The following PDGFRA variants were observed in gnomAD, a reference collection of about 807,000 sequenced individuals.
PDGFRA encodes platelet-derived growth factor receptor alpha.
Under a neutral mutation model 121.5 loss-of-function variants are expected in PDGFRA, and 25 were observed. The ratio of observed to expected loss-of-function variants is 0.21; its 90% CI spans 0.15 to 0.29. The LOEUF is 0.29. PDGFRA is among the 10% of genes least tolerant of loss of function. PDGFRA has a pLI of 1.00. For synonymous variants in PDGFRA, 463 were observed against 494.8 expected, an observed-to-expected ratio of 0.94 and a Z score of 0.85; for missense variants, 1,008 against 1,345.1, an observed-to-expected ratio of 0.75 and a Z score of 3.92.
At chr4:54,241,168 C>A (rs1375029336) in intron 1 of PDGFRA, among the ~76,000 whole-genome samples, 5 of 151,672 alleles carry the variant, frequency 3.3e-5, no homozygotes, top group Non-Finnish European at 5.9e-5. Context: ...TCTTTTTGGC[C>A]AATTCAGATG....
intron 1 of PDGFRA, among the ~76,000 whole-genome samples, chr4:54,250,548 A>G (rs1192068808): frequency 6.6e-6 from 1 of 152,208 alleles, no homozygotes; most frequent in Non-Finnish European, 1.5e-5. Flanking sequence ...TTCTGATATG[A>G]CTTAGTGTAC....
intron 1 of PDGFRA, among the ~76,000 whole-genome samples, chr4:54,246,940 C>T (rs930717822): frequency 6.6e-5 from 10 of 151,906 alleles, no homozygotes; most frequent in African/African-American, 2.4e-4. Flanking sequence ...ACCACAAACA[C>T]CTCTATGCAA....
rs1284743453 is a variant in PDGFRA at position 54,290,543 on chromosome 4, G to A, written c.3111G>A (p.Arg1037=). The A allele has an allele frequency of 1.9e-6, 3 of 1,614,066 alleles. No individual in the cohort carries two copies. Among genetic ancestry groups the A allele is most frequent in the Non-Finnish European group, 2.5e-6 (3 of 1,180,030 alleles). The change falls in exon 22 of 23, where the codon AGG becomes AGA. Residue 1037 remains arginine (R), a synonymous_variant. Coordinates refer to ENST00000257290, the MANE Select transcript of PDGFRA (RefSeq NM_006206.6). ...PVPEEEDLGK[R]NRHSSQTSEE... ...CTGAGGAGGAGGACCTGGGCAAGAGGAACAGACACAGGTAGCTGTGGGGGC... is the reference window on the plus strand; with the variant it reads ...CTGAGGAGGAGGACCTGGGCAAGAGAAACAGACACAGGTAGCTGTGGGGGC...
intron 20 of PDGFRA, 29 bp from the exon 21 acceptor site, chr4:54,288,980 G>C: frequency 6.5e-7 from 1 of 1,538,994 alleles, no homozygotes; most frequent in Non-Finnish European, 9.0e-7. Context: ...ACTTCCCCCT[G>C]TGCCCACTCT....
At chr4:54,265,362 G>A in intron 5 of PDGFRA, 2 of 341,418 alleles carry the variant, frequency 5.9e-6, no homozygotes, top group East Asian at 6.6e-5. Flanking sequence ...AATTAGAAGA[G>A]CAAAAAAACC....
rs1464980046 is a variant in PDGFRA, at chr4:54,263,819, A to G, written c.520A>G (p.Ser174Gly). ...GGGGGTGGTACCTGCCTCCTACGAC[A>G]GCAGACAGGGCTTTAATGGGACCTT... ...SEGVVPASYD[S>G]RQGFNGTFTV... is the part of the protein sequence containing the mutation. The change falls in exon 4 of 23, where the codon AGC becomes GGC. Residue 174 changes from serine (S) to glycine (G), a missense_variant. Transcript: ENST00000257290. 1 of 1,614,080 alleles carries G rather than the reference A, an allele frequency of 6.2e-7. No individual in the cohort carries two copies.
chr4:54,277,287 GAC>G (rs1393353695), intron 12 of PDGFRA, 99 bp from the exon 13 acceptor site: 7 of 817,904 alleles, frequency 8.6e-6, no homozygotes, highest in Non-Finnish European at 1.5e-5. Flanking sequence ...AAACAGGAAA[GAC>G]ACTCGCCCAG....
At chr4:54,285,111 G>A (rs532434375) in intron 16 of PDGFRA, among the ~76,000 whole-genome samples, 47 of 151,800 alleles carry the variant, frequency 3.1e-4, no homozygotes, top group African/African-American at 1.1e-3. Context: ...GGCCAGACTG[G>A]TCTCAAACTT....
At chr4:54,269,644 C>CTTTTTTT (rs569943950) in intron 7 of PDGFRA, among the ~76,000 whole-genome samples, 2 of 126,438 alleles carry the variant, frequency 1.6e-5, no homozygotes, top group Non-Finnish European at 3.3e-5. Context: ...TTTTTTCTAA[C>CTTTTTTT]TTTTTTTTTT....
intron 1 of PDGFRA, among the ~76,000 whole-genome samples, chr4:54,242,081 C>T (rs987874060): frequency 1.3e-5 from 2 of 152,122 alleles, no homozygotes; most frequent in African/African-American, 4.8e-5. Flanking sequence ...TTAGGAAAAG[C>T]AATACAGTGG....
At chr4:54,276,488 A>G (rs1723735228) in intron 12 of PDGFRA, among the ~76,000 whole-genome samples, 1 of 152,148 alleles carries the variant, frequency 6.6e-6, no homozygotes, top group Non-Finnish European at 1.5e-5. Context: ...GCTGCCCCCC[A>G]ATTTCAAATA....
intron 16 of PDGFRA, among the ~76,000 whole-genome samples, chr4:54,284,660 A>T (rs1190983403): frequency 6.6e-6 from 1 of 151,762 alleles, no homozygotes; most frequent in Non-Finnish European, 1.5e-5. Context: ...CAAGGATAGC[A>T]CCAAGGGGAT....
Position 54,285,665 on chromosome 4 carries a change from T to C in PDGFRA, c.2440-176T>C, listed in dbSNP as rs1343419924. Among the ~76,000 whole-genome samples the C allele has an allele frequency of 3.3e-5, 5 of 152,148 alleles. No individual in the cohort carries two copies. In the South Asian group the frequency reaches 8.3e-4, roughly 25 times the overall value. On this transcript the variant is annotated intron_variant, in intron 17 of 22. Transcript: ENST00000257290. ...TCTGAAATCATCAGGCATCTACTCTTCTCTAGAGCTTTCTCTCTGTTGGGA... is the reference window on the plus strand; with the variant it reads ...TCTGAAATCATCAGGCATCTACTCTCCTCTAGAGCTTTCTCTCTGTTGGGA...
chr4:54,283,293 C>T (rs1724163793), intron 16 of PDGFRA, among the ~76,000 whole-genome samples: 1 of 152,150 alleles, frequency 6.6e-6, no homozygotes, highest in African/African-American at 2.4e-5. Context: ...AATATATCCT[C>T]CGAAATCTAG....
intron 12 of PDGFRA, among the ~76,000 whole-genome samples, chr4:54,275,325 G>A (rs572871689): frequency 6.6e-6 from 1 of 152,292 alleles, no homozygotes; most frequent in Non-Finnish European, 1.5e-5. Context: ...AATGAATGAG[G>A]ACAACCACAA....
chr4:54,248,666 T>G (rs887106033), intron 1 of PDGFRA, among the ~76,000 whole-genome samples: 1 of 152,278 alleles, frequency 6.6e-6, no homozygotes, highest in Admixed American at 6.5e-5. Context: ...GGCAAGGACT[T>G]CATGTCTAAA....
At chr4:54,276,456 A>G (rs1420555002) in intron 12 of PDGFRA, among the ~76,000 whole-genome samples, 1 of 152,122 alleles carries the variant, frequency 6.6e-6, no homozygotes, top group Admixed American at 6.6e-5. Flanking sequence ...GGACAAGGAG[A>G]ATCCATGGGG....
intron 16 of PDGFRA, among the ~76,000 whole-genome samples, chr4:54,281,131 A>T (rs1445938483): frequency 1.3e-5 from 2 of 152,220 alleles, no homozygotes; most frequent in Non-Finnish European, 1.5e-5. Context: ...TATAAACTCC[A>T]GGGAGTCCAG....
chr4:54,264,777 A>AT, intron 4 of PDGFRA, 142 bp from the exon 5 acceptor site: 1 of 716,804 alleles, frequency 1.4e-6, no homozygotes. Flanking sequence ...GCCTTGTGAG[A>AT]TTTTCCAAAT....
Sources: gnomAD v4.1 joint callset for allele counts (sites outside exome capture counted in the v4.1 genomes callset) on GRCh38, gnomAD v4.1.1 for gene constraint, MANE v1.5 for transcripts, NCBI Gene and HGNC (gene_info 2026-07-23, HGNC 2026-07-21) for gene names.